Variants in RUBCN observed in about 807,000 individuals in gnomAD.
The protein encoded by RUBCN is run domain Beclin-1-interacting and cysteine-rich domain-containing protein.
A neutral mutation model predicts 113.2 loss-of-function variants in RUBCN; 74 were observed. The observed-to-expected ratio is 0.65, with a 90% CI of 0.54 to 0.79. The LOEUF (loss-of-function observed/expected upper bound fraction) is 0.79. Ranked by LOEUF, RUBCN falls within the 30% of genes least tolerant of loss-of-function variation. The probability of loss-of-function intolerance (pLI) is 0.00; values close to 1 mark genes in which losing one functional copy is unlikely to be tolerated. For synonymous variants in RUBCN, 480 were observed against 490.0 expected, an observed-to-expected ratio of 0.98 and a Z score of 0.27; for missense variants, 1,109 against 1,251.7, an observed-to-expected ratio of 0.89 and a Z score of 1.72.
rs559652801 is a variant in RUBCN, at chr3:197,700,720, C to A, written c.1154G>T (p.Arg385Leu). 6.2e-7 allele frequency: 1 copy of A among 1,614,180 alleles called. No individual in the cohort carries two copies. The highest frequency in any genetic ancestry group is 1.1e-5 in the South Asian group (1 of 91,074). ...GGESQLSSVL[R>L]RSSFSEGQTL... ...CTGCCCCTCTGAGAAGCTGGACCTGCGGAGGACACTGGACAGCTGGCTCTC... is the reference window on the plus strand; with the variant it reads ...CTGCCCCTCTGAGAAGCTGGACCTGAGGAGGACACTGGACAGCTGGCTCTC... Residue 385 changes from arginine to leucine, a missense_variant, in exon 7 of 20, where the codon CGC becomes CTC. Physicochemically the swap from Arg to Leu is moderately radical, Grantham distance 102 (BLOSUM62 -2). Around this residue, in one of 3 missense-constraint regions of RUBCN, gnomAD observed 736 missense variants for 779.6 expected, o/e 0.94. Coordinates refer to ENST00000296343, the MANE Select transcript of RUBCN (RefSeq NM_014687.4).
At chr3:197,707,116 G>A (rs1724392708) in intron 2 of RUBCN, among the ~76,000 whole-genome samples, 1 of 143,072 alleles carries the variant, frequency 7.0e-6, no homozygotes, top group Non-Finnish European at 1.5e-5. Context: ...GGCCGAGGCA[G>A]GCAGATCACG....
intron 11 of RUBCN, among the ~76,000 whole-genome samples, chr3:197,691,795 T>C (rs1418031322): frequency 2.6e-5 from 4 of 152,156 alleles, no homozygotes; most frequent in Non-Finnish European, 4.4e-5. Context: ...AAATTCTGAC[T>C]GCTGATCCTG....
In RUBCN at chr3:197,723,616, A is replaced by C. The variant is rs1170995837; in HGVS notation, c.66-5486T>G. Reference sequence around the variant, plus strand: ...TGGAATTTTTGAAGTCCCATTTTACATATTTTTATATTGCCTATCTCTTTA... The same window carrying C: ...TGGAATTTTTGAAGTCCCATTTTACCTATTTTTATATTGCCTATCTCTTTA... On this transcript the variant is annotated intron_variant, in intron 1 of 19. Coordinates refer to ENST00000296343, the MANE Select transcript of RUBCN (RefSeq NM_014687.4). Among the ~76,000 whole-genome samples, 5 of 152,200 alleles carry C rather than the reference A, an allele frequency of 3.3e-5. No individual in the cohort carries two copies. In the East Asian group the frequency reaches 9.6e-4, roughly 29 times the overall value.
At chr3:197,677,713 C>T (rs569474636) in intron 16 of RUBCN, among the ~76,000 whole-genome samples, 172 bp from the exon 17 acceptor site, 59 of 150,474 alleles carry the variant, frequency 3.9e-4, no homozygotes, top group South Asian at 3.7e-3. Context: ...TGCTCTGACT[C>T]GACACCTGGC....
intron 1 of RUBCN, among the ~76,000 whole-genome samples, chr3:197,746,584 AAACT>A (rs1379610794): frequency 6.6e-6 from 1 of 152,216 alleles, no homozygotes; most frequent in Non-Finnish European, 1.5e-5. Context: ...ATATTACATG[AAACT>A]TACTGTAGTT....
At position 197,669,766 on chromosome 3, in the gene RUBCN, T is replaced by C. The variant is rs771858852; in HGVS notation, c.*5252A>G. Among the ~76,000 whole-genome samples the C allele has an allele frequency of 3.4e-4, 52 of 152,260 alleles. No homozygotes were observed. The highest frequency in any genetic ancestry group is 6.9e-4 in the Non-Finnish European group (47 of 68,040). On this transcript the variant is annotated 3_prime_UTR_variant, in exon 20 of 20. Coordinates refer to ENST00000296343, the MANE Select transcript of RUBCN (RefSeq NM_014687.4). ...TTTGTTTAGAATTCTTCTGTGAGAA[T>C]TTATTTATTTGGTCATTTATTTATG...
Position 197,674,906 on chromosome 3 carries a change from A to G in RUBCN, c.*112T>C, listed in dbSNP as rs1720167757. ...AAAAAAAAAAAAAAAGATGATGATA[A>G]TTAAAAAAAAAAAAAAAAAAAGAAG... On this transcript the variant is annotated 3_prime_UTR_variant, in exon 20 of 20. Coordinates refer to ENST00000296343, the MANE Select transcript of RUBCN (RefSeq NM_014687.4). 1.1e-6 allele frequency: 1 copy of G among 884,646 alleles called. No individual in the cohort carries two copies. Among genetic ancestry groups the G allele is most frequent in the Non-Finnish European group, 1.6e-6 (1 of 609,458 alleles). The allele number at this position is 884,646 out of a possible 1,614,324, so 54.8% of individuals were successfully genotyped here.
chr3:197,727,333 G>GT (rs1246521984), intron 1 of RUBCN, among the ~76,000 whole-genome samples: 2 of 152,194 alleles, frequency 1.3e-5, no homozygotes, highest in African/African-American at 4.8e-5. Flanking sequence ...AGAGGAGGGT[G>GT]TAACTGACAA....
chr3:197,676,783 T>A, intron 18 of RUBCN, 102 bp downstream of exon 18: 1 of 1,597,806 alleles, frequency 6.3e-7, no homozygotes, highest in Non-Finnish European at 8.5e-7. Context: ...GACTGGCCAT[T>A]TCAACTTCCT....
In RUBCN at chr3:197,700,604, C is replaced by T. The variant is rs1208277169; in HGVS notation, c.1261+9G>A. ...ATCTTGCTAACTAGCAGCCGGTGTT[C>T]CTCATTACCTGGAGCTCCCCTGGAG... is the stretch of plus-strand genomic sequence containing the variant. On this transcript the variant is annotated intron_variant, in intron 7 of 19. Transcript: ENST00000296343. The T allele has an allele frequency of 1.2e-6, 2 of 1,613,982 alleles. No individual in the cohort carries two copies. Among genetic ancestry groups the T allele is most frequent in the Admixed American group, 3.3e-5 (2 of 60,002 alleles).
At position 197,749,439 on chromosome 3, in the gene RUBCN, C is replaced by T; in HGVS notation, c.-286G>A. ...TTTGCTTTGCGTTCAGATGCGGCAG[C>T]TCAGCGCAGCTGTAGGTGGAGGAGC... On this transcript the variant is annotated 5_prime_UTR_variant, in exon 1 of 21. Coordinates refer to the RUBCN transcript ENST00000273582. 3 of 1,239,668 alleles carry T rather than the reference C, an allele frequency of 2.4e-6. No individual in the cohort carries two copies. In the South Asian group the frequency reaches 4.0e-5, roughly 17 times the overall value. 76.8% of individuals were successfully genotyped at this position (1,239,668 alleles called of 1,614,324 possible). A position where few individuals can be genotyped will look rare whatever the true frequency, so the allele number is the denominator to read the frequency against.
rs1560398258 is a variant in RUBCN, at chr3:197,676,892, C to T, written c.2639G>A (p.Arg880Lys). The change falls in exon 18 of 20, where the codon AGA (arginine) becomes AAA (lysine). Residue 880 changes from arginine to lysine, a missense_variant. By Grantham distance (26) the Arg-to-Lys change is conservative (BLOSUM62 2). Around this residue, in one of 3 missense-constraint regions of RUBCN, gnomAD observed 306 missense variants for 348.9 expected, o/e 0.88. Transcript: ENST00000296343. ...LTRAGATHVE[R>K]CMLCQAKGFI... ...ACAGTGAGACTTTCTCACCATGCATCTCTCCACATGGGTAGCCCCTGCCCT... is the reference window on the plus strand; with the variant it reads ...ACAGTGAGACTTTCTCACCATGCATTTCTCCACATGGGTAGCCCCTGCCCT... 1.9e-6 allele frequency: 3 copies of T among 1,614,232 alleles called. No individual in the cohort carries two copies. The highest frequency in any genetic ancestry group is 2.2e-5 in the East Asian group (1 of 44,884).
In RUBCN at chr3:197,674,330, A is replaced by G; in HGVS notation, c.*688T>C. 1 of 211,260 alleles carries G rather than the reference A, an allele frequency of 4.7e-6. No individual in the cohort carries two copies. The allele number at this position is 211,260 out of a possible 1,614,324, so 13.1% of individuals were successfully genotyped here. ...CTTTGCTTCAAGATCACCAAGGTAGATGAAGAAAGTCAGCTTGTGGCATCC... is the reference window on the plus strand; with the variant it reads ...CTTTGCTTCAAGATCACCAAGGTAGGTGAAGAAAGTCAGCTTGTGGCATCC... On this transcript the variant is annotated 3_prime_UTR_variant, in exon 20 of 20. Coordinates refer to ENST00000296343, the MANE Select transcript of RUBCN (RefSeq NM_014687.4).
chr3:197,725,391 T>C (rs1047283509), intron 1 of RUBCN, among the ~76,000 whole-genome samples: 2 of 152,028 alleles, frequency 1.3e-5, no homozygotes, highest in African/African-American at 2.4e-5. Context: ...ATAAATAATA[T>C]GCTTTAAATA....
intron 1 of RUBCN, among the ~76,000 whole-genome samples, chr3:197,732,514 T>C (rs1431138786): frequency 2.6e-5 from 4 of 152,164 alleles, no homozygotes; most frequent in African/African-American, 9.7e-5. Context: ...GGGGTTTCAC[T>C]GTGTTAGCCA....
At chr3:197,692,028 G>A (rs1338501658) in intron 11 of RUBCN, among the ~76,000 whole-genome samples, 4 of 151,986 alleles carry the variant, frequency 2.6e-5, no homozygotes, top group Non-Finnish European at 1.5e-5. Context: ...CAGGCCCCTA[G>A]ATAGACAGCT....
At chr3:197,680,732 C>T (rs894831862) in intron 16 of RUBCN, among the ~76,000 whole-genome samples, 16 of 152,270 alleles carry the variant, frequency 1.1e-4, no homozygotes, top group African/African-American at 3.6e-4. Context: ...ATTTCTTACT[C>T]GATACCCGAT....
intron 11 of RUBCN, among the ~76,000 whole-genome samples, chr3:197,690,351 T>C (rs747050445): frequency 3.9e-5 from 6 of 152,158 alleles, no homozygotes; most frequent in South Asian, 2.1e-4. Flanking sequence ...GGCAGGAGAA[T>C]TGCTTGAAAC....
chr3:197,740,817 C>T (rs1464705898), upstream of RUBCN, among the ~76,000 whole-genome samples: 7 of 151,998 alleles, frequency 4.6e-5, no homozygotes, highest in Admixed American at 1.3e-4. Context: ...GACGGGGTTT[C>T]ATCATGTTGG....
Sources: allele counts gnomAD v4.1 joint callset (sites outside exome capture counted in the v4.1 genomes callset), GRCh38; gene constraint gnomAD v4.1.1; regional missense constraint gnomAD v4.1.1; transcripts MANE v1.5; gene names NCBI Gene and HGNC (gene_info 2026-07-23, HGNC 2026-07-21).